Variants in CRHR2 observed in about 807,000 individuals in gnomAD.
CRHR2 encodes the protein corticotropin releasing hormone receptor 2.
A neutral mutation model predicts 57.9 loss-of-function variants in CRHR2; 53 were observed. That is an observed-to-expected ratio of 0.92 (90% CI 0.73 to 1.15). The LOEUF (loss-of-function observed/expected upper bound fraction) is 1.15, where lower values mean the gene tolerates loss of function less well. CRHR2 is among the 50% of genes most tolerant of loss of function. The pLI, the probability that CRHR2 is intolerant of heterozygous loss-of-function variation, is 0.00. For synonymous variants in CRHR2, 213 were observed against 220.9 expected (o/e 0.96, Z 0.32); for missense variants, 532 against 542.6 (o/e 0.98, Z 0.19).
chr7:30,655,561 A>C lies in CRHR2; in HGVS notation c.1053+19T>G, dbSNP rs1426984409. On this transcript the variant is annotated intron_variant, in intron 10 of 11. Transcript: ENST00000471646. ...CAGGAAAGCTCACTGTGGGGCCCCC[A>C]TCTGGTCACAGGCCCCACCTGGAAC... 8.1e-6 allele frequency: 13 copies of C among 1,603,946 alleles called. No homozygotes were observed. The highest frequency in any genetic ancestry group is 1.3e-5 in the African/African-American group (1 of 74,840).
At position 30,665,104 on chromosome 7, in the gene CRHR2, T is replaced by C; in HGVS notation, c.509A>G (p.Gln170Arg). Reference sequence around the variant, plus strand: ...CTCGTGCACTTCATGGTCAACGAGCTGCAGCAGGAACCACATGACATTTCG... The same window carrying C: ...CTCGTGCACTTCATGGTCAACGAGCCGCAGCAGGAACCACATGACATTTCG... The part of the protein sequence containing the change: ...ILRNVMWFLL[Q>R]LVDHEVHESN... The change falls in exon 5 of 12, where the codon CAG (glutamine) becomes CGG (arginine). Residue 170 changes from glutamine to arginine, a missense_variant. By Grantham distance (43) the Gln-to-Arg change is conservative. Transcript: ENST00000471646. The surrounding 1 kb of genome is among the most constrained non-coding windows in gnomAD (Gnocchi z 4.5). 1 of 1,614,038 alleles carries C rather than the reference T, an allele frequency of 6.2e-7. No individual in the cohort carries two copies. The highest frequency in any genetic ancestry group is 1.1e-5 in the South Asian group (1 of 91,078).
intron 11 of CRHR2, among the ~76,000 whole-genome samples, chr7:30,654,524 C>T (rs191242186): frequency 3.0e-4 from 46 of 152,330 alleles, no homozygotes; most frequent in Admixed American, 2.5e-3. Flanking sequence ...GGTACGAGTG[C>T]GCTTCTTCCC....
intron 8 of CRHR2, among the ~76,000 whole-genome samples, chr7:30,659,584 G>T (rs1326385803): frequency 6.6e-6 from 1 of 152,192 alleles, no homozygotes; most frequent in Non-Finnish European, 1.5e-5. Flanking sequence ...AGCGAACCAA[G>T]CCCTGACGGT....
At chr7:30,672,351 T>A (rs1379109148) in intron 2 of CRHR2, among the ~76,000 whole-genome samples, 1 of 152,242 alleles carries the variant, frequency 6.6e-6, no homozygotes, top group Non-Finnish European at 1.5e-5. Flanking sequence ...AGCAGAAGTT[T>A]ACCTTATTTT....
At chr7:30,696,496 T>C (rs1785060641) in intron 1 of CRHR2, among the ~76,000 whole-genome samples, 1 of 152,024 alleles carries the variant, frequency 6.6e-6, no homozygotes, top group Non-Finnish European at 1.5e-5. Flanking sequence ...CCGAGGTGGG[T>C]GGATCATGAG....
At chr7:30,688,528 G>A (rs1263083045) in intron 2 of CRHR2, among the ~76,000 whole-genome samples, 4 of 152,224 alleles carry the variant, frequency 2.6e-5, no homozygotes, top group African/African-American at 7.2e-5. Context: ...CCTGGCTTGG[G>A]CAGTGCCTGT....
chr7:30,694,675 G>A (rs1159415110), intron 1 of CRHR2, among the ~76,000 whole-genome samples: 1 of 152,124 alleles, frequency 6.6e-6, no homozygotes, highest in South Asian at 2.1e-4. Flanking sequence ...GGGAGGGGCA[G>A]CATTCCACCC....
intron 1 of CRHR2, among the ~76,000 whole-genome samples, chr7:30,696,155 G>A (rs1785051494): frequency 6.6e-6 from 1 of 152,052 alleles, no homozygotes; most frequent in Non-Finnish European, 1.5e-5. Context: ...GGGAAGGGTA[G>A]TAGGGGATGG....
In CRHR2 at chr7:30,665,047, C is replaced by T. The variant is rs773933160; in HGVS notation, c.543+23G>A. On this transcript the variant is annotated intron_variant, in intron 5 of 11. Transcript: ENST00000471646. This position sits in a 1 kb window ranked among gnomAD's most constrained non-coding sequence, Gnocchi z 4.5. The stretch of plus-strand genomic sequence containing the variant: ...GAGCCCAGAGCCCCCCAGGTATAGC[C>T]CCGAGTCTCCCCGAGCAATGACCTC... 2 of 1,602,366 alleles carry T rather than the reference C, an allele frequency of 1.2e-6. No homozygotes were observed. The highest frequency in any genetic ancestry group is 2.2e-5 in the South Asian group (2 of 90,826).
intron 3 of CRHR2, 57 bp downstream of exon 3, chr7:30,667,171 A>G (rs574205356): frequency 9.2e-6 from 14 of 1,520,440 alleles, no homozygotes; most frequent in Middle Eastern, 1.7e-4. Flanking sequence ...TCTCTGCTCA[A>G]CCTGAGTCCA....
chr7:30,674,019 T>G (rs1194005784), intron 2 of CRHR2, among the ~76,000 whole-genome samples: 2 of 152,320 alleles, frequency 1.3e-5, no homozygotes, highest in East Asian at 3.9e-4. Context: ...TAGTGTTATA[T>G]GGACACAGCT....
intron 1 of CRHR2, among the ~76,000 whole-genome samples, chr7:30,693,020 G>A (rs1318588339): frequency 6.6e-6 from 1 of 152,210 alleles, no homozygotes; most frequent in Non-Finnish European, 1.5e-5. Context: ...TGGGGCTCAG[G>A]AGGCCGCTCA....
chr7:30,668,260 ACCC>A (rs1266855445), intron 2 of CRHR2, among the ~76,000 whole-genome samples: 1 of 151,898 alleles, frequency 6.6e-6, no homozygotes, highest in Non-Finnish European at 1.5e-5. Context: ...CTCCTAAGCC[ACCC>A]CCTCCATACA....
intron 1 of CRHR2, among the ~76,000 whole-genome samples, chr7:30,694,736 C>A (rs936612995): frequency 2.6e-5 from 4 of 151,678 alleles, no homozygotes; most frequent in Non-Finnish European, 4.4e-5. Flanking sequence ...TCAGGCCCTG[C>A]CCCTTAGGGA....
Position 30,655,944 on chromosome 7 carries a change from G to A in CRHR2, c.900C>T (p.Ser300=), listed in dbSNP as rs377428418. The A allele has an allele frequency of 1.7e-5, 27 of 1,613,998 alleles. No homozygotes were observed. Among genetic ancestry groups the A allele is most frequent in the South Asian group, 2.2e-5 (2 of 91,074 alleles). ...LMTKLRASTT[S]ETIQYRKAVK... ...TCACATACCTGTACTGGATTGTCTC[G>A]GATGTGGTGGACGCGCGTAACTTTG... Residue 300 remains serine, a synonymous_variant, in exon 9 of 12, where the codon TCC becomes TCT. Coordinates refer to ENST00000471646, the MANE Select transcript of CRHR2 (RefSeq NM_001883.5).
At chr7:30,689,612 TG>T (rs1183138611) in intron 1 of CRHR2, among the ~76,000 whole-genome samples, 1 of 112,524 alleles carries the variant, frequency 8.9e-6, no homozygotes, top group African/African-American at 3.3e-5. Context: ...CAAAGCTGGG[TG>T]GGGGGTGGGT....
intron 2 of CRHR2, among the ~76,000 whole-genome samples, chr7:30,677,166 C>T (rs73685766): frequency 2.0e-5 from 3 of 151,386 alleles, no homozygotes; most frequent in African/African-American, 4.9e-5. Flanking sequence ...GAGATGGAGT[C>T]GGGGGATGAA....
intron 7 of CRHR2, among the ~76,000 whole-genome samples, chr7:30,660,889 C>T (rs1464872485): frequency 6.6e-6 from 1 of 152,246 alleles, no homozygotes; most frequent in East Asian, 1.9e-4. Flanking sequence ...GGGTCTCTTT[C>T]TCCTCCTCTT....
intron 2 of CRHR2, among the ~76,000 whole-genome samples, chr7:30,681,212 G>A (rs764633411): frequency 1.3e-5 from 2 of 152,186 alleles, no homozygotes; most frequent in African/African-American, 2.4e-5. Context: ...TTGCCAGGAG[G>A]AAGGCAGGCA....
Sources: gnomAD v4.1 joint callset for allele counts (sites outside exome capture counted in the v4.1 genomes callset) on GRCh38, gnomAD v4.1.1 for gene constraint, Gnocchi (gnomAD v3.1) non-coding constraint, MANE v1.5 for transcripts, NCBI Gene and HGNC (gene_info 2026-07-23, HGNC 2026-07-21) for gene names.